ERI1: variants seen among roughly 807,000 people sequenced by gnomAD.
ERI1 encodes 3'-5' exoribonuclease 1.
Under a neutral mutation model 39.7 loss-of-function variants are expected in ERI1, and 39 were observed. The observed-to-expected ratio is 0.98, with a 90% confidence interval of 0.76 to 1.28. The LOEUF (loss-of-function observed/expected upper bound fraction) is 1.28. ERI1 is among the 50% of genes most tolerant of loss of function. The probability of loss-of-function intolerance (pLI) is 0.00; values close to 1 mark genes in which losing one functional copy is unlikely to be tolerated. For synonymous variants in ERI1, 204 were observed against 149.6 expected, an observed-to-expected ratio of 1.36 and a Z score of -2.65; for missense variants, 581 against 416.9, an observed-to-expected ratio of 1.39 and a Z score of -3.43.
At chr8:9,055,944 A>T (rs1235893374) in intron 3 of ERI1, among the ~76,000 whole-genome samples, 1 of 152,164 alleles carries the variant, frequency 6.6e-6, no homozygotes, top group Admixed American at 6.5e-5. Flanking sequence ...TGCCTCAGGG[A>T]AAAATGAGGG....
chr8:9,065,004 G>A (rs1311345554), intron 3 of ERI1, among the ~76,000 whole-genome samples: 2 of 152,158 alleles, frequency 1.3e-5, no homozygotes. Context: ...TGCTCAGTAG[G>A]GGAGCTTTTG....
At chr8:9,016,774 C>T (rs1817339661) in intron 4 of ERI1, among the ~76,000 whole-genome samples, 2 of 152,302 alleles carry the variant, frequency 1.3e-5, no homozygotes, top group South Asian at 4.1e-4. Flanking sequence ...CAGCCTCTGC[C>T]TCCTGGGCTC....
intron 3 of ERI1, among the ~76,000 whole-genome samples, chr8:9,041,366 G>T (rs1265232841): frequency 1.3e-5 from 2 of 152,126 alleles, no homozygotes; most frequent in Non-Finnish European, 2.9e-5. Flanking sequence ...TTAAAAATCA[G>T]GTGTGTTGAG....
chr8:9,042,344 G>A (rs756274756), intron 3 of ERI1, among the ~76,000 whole-genome samples: 6 of 152,128 alleles, frequency 3.9e-5, no homozygotes, highest in Non-Finnish European at 7.4e-5. Flanking sequence ...CTATTGCCCT[G>A]ATCTCTCTTT....
intron 3 of ERI1, among the ~76,000 whole-genome samples, chr8:9,054,155 A>G (rs1798439184): frequency 6.6e-6 from 1 of 152,194 alleles, no homozygotes; most frequent in Admixed American, 6.5e-5. Context: ...GGGATTGCAT[A>G]CATTAAAGGT....
chr8:9,012,322 G>T (rs115704642), intron 3 of ERI1, among the ~76,000 whole-genome samples: 25 of 152,170 alleles, frequency 1.6e-4, no homozygotes, highest in Non-Finnish European at 1.5e-5. Context: ...TTAGATACTT[G>T]TCAGTGCTTT....
At chr8:9,096,582 C>T (rs1799882864) in intron 3 of ERI1, among the ~76,000 whole-genome samples, 3 of 152,032 alleles carry the variant, frequency 2.0e-5, no homozygotes, top group South Asian at 2.1e-4. Context: ...TGGGGCTGAC[C>T]TCGGAAGTGT....
At position 9,033,323 on chromosome 8, in the gene ERI1, A is replaced by G. The variant is rs1797720055; in HGVS notation, c.*3289A>G. 6.6e-6 allele frequency: 1 copy of G among 152,108 alleles called. No homozygotes were observed. Among genetic ancestry groups the G allele is most frequent in the South Asian group, 2.1e-4 (1 of 4,832 alleles). 9.4% of individuals were successfully genotyped at this position (152,108 alleles called of 1,614,324 possible). ...TTACGAAATTTTAGTTTCTCTAAAT[A>G]AAGTTTTGGAAAGAACTACCATTCT... On this transcript the variant is annotated 3_prime_UTR_variant, in exon 7 of 7. Transcript: ENST00000250263.
intron 1 of ERI1, among the ~76,000 whole-genome samples, chr8:9,005,681 T>C (rs1277115898): frequency 6.8e-6 from 1 of 147,550 alleles, no homozygotes; most frequent in Non-Finnish European, 1.5e-5. Context: ...TAATTTTTTG[T>C]ATTTTTAGTA....
chr8:9,010,809 C>G (rs1437960640), intron 2 of ERI1, among the ~76,000 whole-genome samples: 1 of 152,166 alleles, frequency 6.6e-6, no homozygotes, highest in South Asian at 2.1e-4. Context: ...TGACCTTTCT[C>G]TCCTCCCCAC....
At chr8:9,026,858 T>TAA (rs58454617) in intron 6 of ERI1, among the ~76,000 whole-genome samples, 2,727 of 148,308 alleles carry the variant, frequency 0.018, 81 homozygotes, top group African/African-American at 0.063. Flanking sequence ...TGTACCACGT[T>TAA]AAAAAAAAAA....
At chr8:9,005,411 CG>C (rs139692074) in intron 1 of ERI1, among the ~76,000 whole-genome samples, 7,639 of 152,080 alleles carry the variant, frequency 0.05, 264 homozygotes, top group Non-Finnish European at 0.076. Context: ...AATCAAGCTC[CG>C]GTACCCTTCC....
At chr8:9,068,475 T>G (rs1001383269) in intron 3 of ERI1, among the ~76,000 whole-genome samples, 1 of 152,146 alleles carries the variant, frequency 6.6e-6, no homozygotes, top group Non-Finnish European at 1.5e-5. Context: ...TAGCTAGAAG[T>G]ACAGGTGTGT....
chr8:9,089,293 T>TG (rs1235174645), intron 3 of ERI1, among the ~76,000 whole-genome samples: 3 of 152,110 alleles, frequency 2.0e-5, no homozygotes, highest in Non-Finnish European at 4.4e-5. Context: ...TAAATAGAGA[T>TG]GGGGTCTTGC....
At chr8:9,094,243 T>G (rs1489582175) in intron 3 of ERI1, among the ~76,000 whole-genome samples, 1 of 152,210 alleles carries the variant, frequency 6.6e-6, no homozygotes, top group African/African-American at 2.4e-5. Context: ...AATATGAGCA[T>G]GAGAATCGTC....
intron 3 of ERI1, among the ~76,000 whole-genome samples, chr8:9,047,690 C>T (rs1798218173): frequency 6.6e-6 from 1 of 151,162 alleles, no homozygotes; most frequent in African/African-American, 2.4e-5. Context: ...CAGAGAGAGA[C>T]CCTGTCTCTT....
chr8:9,099,671 T>C (rs971541856), intron 3 of ERI1, among the ~76,000 whole-genome samples: 1 of 152,164 alleles, frequency 6.6e-6, no homozygotes, highest in Non-Finnish European at 1.5e-5. Context: ...ATATACTCTT[T>C]TTCACGTGGC....
At chr8:9,095,562 G>C (rs891343405) in intron 3 of ERI1, among the ~76,000 whole-genome samples, 17 of 152,048 alleles carry the variant, frequency 1.1e-4, no homozygotes, top group African/African-American at 3.9e-4. Flanking sequence ...CTGGAGTGCA[G>C]TAGCCTGATA....
chr8:9,021,167 C>G (rs923265391), intron 6 of ERI1, among the ~76,000 whole-genome samples: 11 of 152,172 alleles, frequency 7.2e-5, no homozygotes, highest in African/African-American at 2.4e-4. Flanking sequence ...CAACTTTCCC[C>G]TGGATGTAAT....
Sources: gnomAD v4.1 joint callset for allele counts (sites outside exome capture counted in the v4.1 genomes callset) on GRCh38, gnomAD v4.1.1 for gene constraint, MANE v1.5 for transcripts, NCBI Gene and HGNC (gene_info 2026-07-23, HGNC 2026-07-21) for gene names.